The following BBS4 variants were observed in gnomAD, a reference collection of about 807,000 sequenced individuals.
The protein encoded by BBS4 is BBSome complex member BBS4.
In BBS4, 58 loss-of-function variants were observed where a neutral mutation model predicts 71.4. The observed-to-expected ratio is 0.81, with a 90% CI of 0.66 to 1.01. BBS4 has a LOEUF of 1.01. Ranked by LOEUF, BBS4 falls within the 50% of genes least tolerant of loss-of-function variation. BBS4 has a pLI of 0.00. For missense variants in BBS4, 660 were observed against 607.9 expected, an observed-to-expected ratio of 1.09 and a Z score of -0.90; for synonymous variants, 228 against 216.8, an observed-to-expected ratio of 1.05 and a Z score of -0.46.
intron 3 of BBS4, 33 bp downstream of exon 3, chr15:72,709,812 G>A (rs1405024503): frequency 2.5e-6 from 4 of 1,576,778 alleles, no homozygotes; most frequent in Admixed American, 1.7e-5. Context: ...AAAATGAGAG[G>A]CAGGATGTTG....
chr15:72,722,529 G>T (rs2065596038), intron 6 of BBS4, among the ~76,000 whole-genome samples: 1 of 152,212 alleles, frequency 6.6e-6, no homozygotes, highest in South Asian at 2.1e-4. Flanking sequence ...GATGGGCTGG[G>T]TATGTGCCCC....
Position 72,730,132 on chromosome 15 carries a change from C to T in BBS4, c.711+448C>T, listed in dbSNP as rs571275205. 1.7e-3 allele frequency among the ~76,000 whole-genome samples: 257 copies of T among 151,706 alleles called. 2 individuals are homozygous for T. Among genetic ancestry groups the T allele is most frequent in the Non-Finnish European group, 3.3e-3 (225 of 67,942 alleles). ...TCTACTAAAAATACAAAAAAATTAG[C>T]CGGGCGTGGTGGCGGGCGCCTGTAG... On this transcript the variant is annotated intron_variant, in intron 10 of 15. Coordinates refer to ENST00000268057, the MANE Select transcript of BBS4 (RefSeq NM_033028.5).
intron 2 of BBS4, among the ~76,000 whole-genome samples, chr15:72,708,346 G>T (rs536439937): frequency 1.3e-5 from 2 of 152,290 alleles, no homozygotes; most frequent in South Asian, 2.1e-4. Context: ...GGCTGGAGCT[G>T]TGGCAGAGGA....
At chr15:72,712,388 A>G in intron 4 of BBS4, 81 bp downstream of exon 4, 4 of 1,376,076 alleles carry the variant, frequency 2.9e-6, no homozygotes, top group Non-Finnish European at 4.1e-6. Flanking sequence ...AATTGAAGAA[A>G]CAAGTTCAAG....
At chr15:72,689,973 G>A (rs1390144907) in intron 1 of BBS4, among the ~76,000 whole-genome samples, 6 of 151,952 alleles carry the variant, frequency 3.9e-5, no homozygotes, top group African/African-American at 1.4e-4. Context: ...ACCACGCCCA[G>A]CTAATTTTTT....
chr15:72,710,153 A>C (rs2065339525), intron 3 of BBS4, among the ~76,000 whole-genome samples: 1 of 138,868 alleles, frequency 7.2e-6, no homozygotes, highest in South Asian at 2.4e-4. Context: ...CAGCATATTA[A>C]CTTTTTTATC....
chr15:72,709,644 C>T (rs1241854354), intron 2 of BBS4, 56 bp from the exon 3 acceptor site: 2 of 1,314,700 alleles, frequency 1.5e-6, no homozygotes, highest in Non-Finnish European at 2.2e-6. Context: ...GAGGACAGTG[C>T]TAAAGGAGAA....
rs200396355 is a variant in BBS4 at position 72,715,303 on chromosome 15, G to T, written c.233G>T (p.Arg78Leu). The change falls in exon 5 of 16, where the codon CGC (arginine) becomes CTC (leucine). Residue 78 changes from arginine (R) to leucine (L), a missense_variant. Physicochemically the swap from Arg to Leu is moderately radical, Grantham distance 102. Coordinates refer to ENST00000268057, the MANE Select transcript of BBS4 (RefSeq NM_033028.5). ...YAIYVQALIF[R>L]LEGNIQESLE... ...TGTTTCTTGGCAGCATTGATATTTCGCCTAGAAGGAAATATCCAAGAATCC... is the reference window on the plus strand; with the variant it reads ...TGTTTCTTGGCAGCATTGATATTTCTCCTAGAAGGAAATATCCAAGAATCC... 7 of 1,609,486 alleles carry T rather than the reference G, an allele frequency of 4.3e-6. No individual in the cohort carries two copies. The East Asian group carries it at 1.3e-4, about 31-fold the overall frequency.
At chr15:72,706,751 A>G (rs1875089400) in intron 2 of BBS4, among the ~76,000 whole-genome samples, 1 of 152,190 alleles carries the variant, frequency 6.6e-6, no homozygotes, top group African/African-American at 2.4e-5. Flanking sequence ...AGTCATATCC[A>G]TACTTTCTGT....
chr15:72,737,239 G>A (rs2065944026), intron 15 of BBS4: 4 of 614,628 alleles, frequency 6.5e-6, no homozygotes, highest in South Asian at 3.9e-5. Context: ...ATCCTGTTAT[G>A]CAATGTTTAA....
In BBS4 at chr15:72,735,920, A is replaced by C. The variant is rs372615252; in HGVS notation, c.1202A>C (p.Lys401Thr). 4.3e-6 allele frequency: 7 copies of C among 1,613,988 alleles called. No homozygotes were observed. Among genetic ancestry groups the C allele is most frequent in the Non-Finnish European group, 5.9e-6 (7 of 1,180,010 alleles). The change falls in exon 14 of 16, where the codon AAA (lysine) becomes ACA (threonine). Residue 401 changes from lysine (K) to threonine (T), a missense_variant. By Grantham distance (78) the Lys-to-Thr change is moderately conservative (BLOSUM62 -1). Coordinates refer to ENST00000268057, the MANE Select transcript of BBS4 (RefSeq NM_033028.5). The stretch of plus-strand genomic sequence containing the variant: ...GCCCAATATCAGGAGATGGAGAAGA[A>C]AGTCAGCCTACTCAAGGACAATAGC... ...ALAQYQEMEKKVSLLKDNSSL... is the reference protein window; with the variant it reads ...ALAQYQEMEKTVSLLKDNSSL...
At chr15:72,735,006 T>G (rs1595951834) in intron 12 of BBS4, 107 bp from the exon 13 acceptor site, 2 of 787,280 alleles carry the variant, frequency 2.5e-6, no homozygotes, top group Admixed American at 3.9e-5. Context: ...CTTAGTAAAC[T>G]CTGGTGCCAT....
rs1458417621 is a variant in BBS4, at chr15:72,687,124, C to CTTTTTTTTTTTTTTTTTTTTTTTTTTTTT, written c.24+883_24+884insTTTTTTTTTTTTTTTTTTTTTTTTTTTTT. Among the ~76,000 whole-genome samples, 3 of 76,208 alleles carry CTTTTTTTTTTTTTTTTTTTTTTTTTTTTT rather than the reference C, an allele frequency of 3.9e-5. 1 individual carries two copies. The highest frequency in any genetic ancestry group is 1.5e-4 in the African/African-American group (3 of 20,522). 50.0% of individuals were successfully genotyped at this position (76,208 alleles called of 152,430 possible). ...AATTAGAAAACTCTGAAGACAGAAACTTTTTTTTTTGAGACGGAGTGTCGC... is the reference window on the plus strand; with the variant it reads ...AATTAGAAAACTCTGAAGACAGAAACTTTTTTTTTTTTTTTTTTTTTTTTTTTTTTTTTTTTTTTGAGACGGAGTGTCGC... On this transcript the variant is annotated intron_variant, in intron 1 of 15. Transcript: ENST00000268057.
intron 2 of BBS4, among the ~76,000 whole-genome samples, chr15:72,702,984 T>C (rs55838937): frequency 0.58 from 79,518 of 137,128 alleles, 22,816 homozygotes; most frequent in Middle Eastern, 0.69. Context: ...ATTTTTTTTG[T>C]ATTTTTAGTA....
rs1292245540 is a variant in BBS4 at position 72,736,194 on chromosome 15, T to C, written c.1248+228T>C. Among the ~76,000 whole-genome samples, 3 of 151,502 alleles carry C rather than the reference T, an allele frequency of 2.0e-5. No homozygotes were observed. The East Asian group carries it at 5.8e-4, about 30-fold the overall frequency. On this transcript the variant is annotated intron_variant, in intron 14 of 15. Coordinates refer to ENST00000268057, the MANE Select transcript of BBS4 (RefSeq NM_033028.5). ...GAGTTGTTATTGCTAATTCAACTCA[T>C]CAAAGTTGAGGTCTGTGTCTGTCTG...
intron 1 of BBS4, among the ~76,000 whole-genome samples, chr15:72,687,557 T>G (rs2150986255): frequency 6.7e-6 from 1 of 148,772 alleles, no homozygotes; most frequent in East Asian, 2.0e-4. Context: ...TGAGCCGAGA[T>G]CATGCCATTG....
chr15:72,701,047 C>T (rs2065160819), intron 2 of BBS4, among the ~76,000 whole-genome samples: 1 of 152,040 alleles, frequency 6.6e-6, no homozygotes, highest in South Asian at 2.1e-4. Flanking sequence ...TAAACATATC[C>T]ATGTAATCAC....
rs1486493760 is a variant in BBS4 at position 72,737,458 on chromosome 15, A to G, written c.1451-20A>G. 6.3e-7 allele frequency: 1 copy of G among 1,584,852 alleles called. No individual in the cohort carries two copies. On this transcript the variant is annotated intron_variant, in intron 15 of 15. Transcript: ENST00000268057. ...TGAAATTGTGGAACATGAGGATTCA[A>G]GTTTTTATTTTGTTACTAGGTGCTG... is the stretch of plus-strand genomic sequence containing the variant.
intron 9 of BBS4, among the ~76,000 whole-genome samples, chr15:72,728,518 A>G (rs1311781907): frequency 6.6e-6 from 1 of 151,916 alleles, no homozygotes; most frequent in East Asian, 1.9e-4. Flanking sequence ...AAAAATTCTT[A>G]TGCTATCCAG....
Sources: gnomAD v4.1 joint callset for allele counts (sites outside exome capture counted in the v4.1 genomes callset) on GRCh38, gnomAD v4.1.1 for gene constraint, MANE v1.5 for transcripts, NCBI Gene and HGNC (gene_info 2026-07-23, HGNC 2026-07-21) for gene names.